The following MAN2A1 variants were observed in gnomAD, a reference collection of about 807,000 sequenced individuals.
MAN2A1 encodes mannosidase alpha class 2A member 1.
In MAN2A1, 76 loss-of-function variants were observed where a neutral mutation model predicts 142.6. The ratio of observed to expected loss-of-function variants is 0.53; its 90% CI spans 0.44 to 0.65. The LOEUF (loss-of-function observed/expected upper bound fraction) is 0.65, where lower values mean the gene tolerates loss of function less well. Among genes scored for constraint, MAN2A1 ranks in the 30% least tolerant of loss-of-function variants. The probability of loss-of-function intolerance (pLI) is 0.00; values close to 1 mark genes in which losing one functional copy is unlikely to be tolerated. For missense variants in MAN2A1, 1,311 were observed against 1,365.1 expected, an observed-to-expected ratio of 0.96 and a Z score of 0.62; for synonymous variants, 559 against 473.2, an observed-to-expected ratio of 1.18 and a Z score of -2.35.
rs1311346239 is a variant in MAN2A1 at position 109,781,384 on chromosome 5, T to C, written c.1375-12T>C. On this transcript the variant is annotated splice_polypyrimidine_tract_variant and intron_variant, in intron 8 of 21. Coordinates refer to ENST00000261483, the MANE Select transcript of MAN2A1 (RefSeq NM_002372.4). Reference sequence around the variant, plus strand: ...TAGAATGAATAATTGAAGTGCATTTTTTTAAAACTAGATACAGTTTGGAAC... The same window carrying C: ...TAGAATGAATAATTGAAGTGCATTTCTTTAAAACTAGATACAGTTTGGAAC... 6.5e-7 allele frequency: 1 copy of C among 1,548,062 alleles called. No homozygotes were observed.
intron 8 of MAN2A1, among the ~76,000 whole-genome samples, chr5:109,780,240 T>C (rs1753418941): frequency 6.6e-6 from 1 of 152,036 alleles, no homozygotes; most frequent in Non-Finnish European, 1.5e-5. Flanking sequence ...TTTTGTATTT[T>C]TAGTAGAGAC....
intron 12 of MAN2A1, among the ~76,000 whole-genome samples, chr5:109,800,720 A>T (rs974346864): frequency 2.0e-5 from 3 of 152,134 alleles, no homozygotes; most frequent in African/African-American, 7.2e-5. Flanking sequence ...GTTTTTATGA[A>T]ATTTGTGTTT....
intron 3 of MAN2A1, among the ~76,000 whole-genome samples, chr5:109,721,681 A>T (rs1751607824): frequency 1.3e-5 from 2 of 152,186 alleles, no homozygotes; most frequent in Admixed American, 6.6e-5. Flanking sequence ...ATTCTGTTTT[A>T]GAGGAAGAAT....
chr5:109,750,948 T>G (rs1752527962), intron 4 of MAN2A1, among the ~76,000 whole-genome samples: 1 of 152,104 alleles, frequency 6.6e-6, no homozygotes, highest in Non-Finnish European at 1.5e-5. Flanking sequence ...GGGGCGTCCA[T>G]CACCTTGAGT....
intron 1 of MAN2A1, among the ~76,000 whole-genome samples, chr5:109,707,269 A>AT (rs1449624389): frequency 6.6e-6 from 1 of 151,738 alleles, no homozygotes; most frequent in African/African-American, 2.4e-5. Flanking sequence ...CTTCTTTTGG[A>AT]TTTTCTTTCT....
At chr5:109,831,926 G>T (rs866258537) in intron 16 of MAN2A1, among the ~76,000 whole-genome samples, 1 of 150,432 alleles carries the variant, frequency 6.6e-6, no homozygotes, top group Non-Finnish European at 1.5e-5. Context: ...GTATGCAGTT[G>T]GTCAAAAAAC....
intron 21 of MAN2A1, 104 bp downstream of exon 21, chr5:109,865,250 C>A: frequency 1.2e-6 from 1 of 823,230 alleles, no homozygotes; most frequent in Non-Finnish European, 2.0e-6. Flanking sequence ...TCTTTACTGT[C>A]TCAGTTTCAT....
intron 3 of MAN2A1, among the ~76,000 whole-genome samples, chr5:109,720,568 C>A (rs1751572921): frequency 6.6e-6 from 1 of 152,236 alleles, no homozygotes; most frequent in South Asian, 2.1e-4. Context: ...TCATAGTTGG[C>A]TAATATCTCT....
At chr5:109,840,299 A>C (rs1359027459) in intron 16 of MAN2A1, 1 of 311,582 alleles carries the variant, frequency 3.2e-6, no homozygotes, top group African/African-American at 2.3e-5. Flanking sequence ...AATTTCCTTC[A>C]CTAATTGACA....
At chr5:109,811,766 T>C (rs2112713461) in intron 12 of MAN2A1, among the ~76,000 whole-genome samples, 1 of 152,286 alleles carries the variant, frequency 6.6e-6, no homozygotes, top group South Asian at 2.1e-4. Flanking sequence ...TATGTATTCA[T>C]ATTCATAAGT....
At chr5:109,700,900 G>A (rs1347450654) in intron 1 of MAN2A1, among the ~76,000 whole-genome samples, 1 of 152,170 alleles carries the variant, frequency 6.6e-6, no homozygotes, top group African/African-American at 2.4e-5. Context: ...GTAGACATAT[G>A]TTACTTGTTT....
chr5:109,816,589 T>G lies in MAN2A1; in HGVS notation c.1944-684T>G, dbSNP rs972157787. On this transcript the variant is annotated intron_variant, in intron 12 of 21. Coordinates refer to ENST00000261483, the MANE Select transcript of MAN2A1 (RefSeq NM_002372.4). ...TGTGAATTATGTGATTTTCCATATA[T>G]AGCCATACATTCTTAGTGGTCTAAA... Among the ~76,000 whole-genome samples the G allele has an allele frequency of 2.0e-5, 3 of 152,192 alleles. No individual in the cohort carries two copies. The East Asian group carries it at 5.8e-4, about 29-fold the overall frequency.
chr5:109,833,653 G>A (rs1029220954), intron 16 of MAN2A1, among the ~76,000 whole-genome samples: 16 of 149,528 alleles, frequency 1.1e-4, no homozygotes, highest in Admixed American at 6.7e-4. Context: ...ATCAGAGGGA[G>A]ACGGTGGAGA....
intron 12 of MAN2A1, among the ~76,000 whole-genome samples, chr5:109,816,247 A>G (rs1754454961): frequency 6.6e-6 from 1 of 152,258 alleles, no homozygotes; most frequent in Non-Finnish European, 1.5e-5. Context: ...TTACTAATAA[A>G]ACCATCATGT....
chr5:109,784,954 T>G, intron 10 of MAN2A1, 28 bp downstream of exon 10: 2 of 1,510,176 alleles, frequency 1.3e-6, no homozygotes, highest in Non-Finnish European at 1.8e-6. Flanking sequence ...AAATCATCTT[T>G]AAAAAAATCA....
intron 12 of MAN2A1, among the ~76,000 whole-genome samples, chr5:109,816,392 T>C (rs1263527090): frequency 6.6e-6 from 1 of 152,238 alleles, no homozygotes; most frequent in African/African-American, 2.4e-5. Flanking sequence ...TTGCCTAAAC[T>C]TATTTTAATA....
intron 1 of MAN2A1, among the ~76,000 whole-genome samples, chr5:109,700,729 A>C (rs1363385628): frequency 6.6e-6 from 1 of 152,146 alleles, no homozygotes; most frequent in East Asian, 1.9e-4. Context: ...TTTTCAGATA[A>C]GGGCACCGAG....
intron 4 of MAN2A1, among the ~76,000 whole-genome samples, chr5:109,753,413 T>C (rs1752599593): frequency 6.6e-6 from 1 of 152,254 alleles, no homozygotes; most frequent in African/African-American, 2.4e-5. Context: ...GCTTCTTCAT[T>C]GTAGATTCTT....
rs192016070 is a variant in MAN2A1, at chr5:109,704,192, G to T, written c.136-9328G>T. On this transcript the variant is annotated intron_variant, in intron 1 of 21. Coordinates refer to ENST00000261483, the MANE Select transcript of MAN2A1 (RefSeq NM_002372.4). ...AAGGGATGTTGGGCTTGGAGTCCCA[G>T]CTTTTCCCTTCACAGTCATTTGGCA... Among the ~76,000 whole-genome samples the T allele has an allele frequency of 1.1e-3, 174 of 152,328 alleles. 2 individuals carry two copies. The highest frequency in any genetic ancestry group is 3.8e-3 in the African/African-American group (159 of 41,588).
Sources: gnomAD v4.1 joint callset for allele counts (sites outside exome capture counted in the v4.1 genomes callset) on GRCh38, gnomAD v4.1.1 for gene constraint, MANE v1.5 for transcripts, NCBI Gene and HGNC (gene_info 2026-07-23, HGNC 2026-07-21) for gene names.